The following HELQ variants were observed in gnomAD, a reference collection of about 807,000 sequenced individuals.
The protein encoded by HELQ is helicase POLQ-like.
HELQ carries 77 observed loss-of-function variants against 111.6 expected under a neutral mutation model. The ratio of observed to expected loss-of-function variants is 0.69; its 90% CI spans 0.57 to 0.83. The LOEUF (loss-of-function observed/expected upper bound fraction) is 0.83. Among genes scored for constraint, HELQ ranks in the 40% least tolerant of loss-of-function variants. The pLI is 0.00. For synonymous variants in HELQ, 438 were observed against 454.7 expected (o/e 0.96, Z 0.47); for missense variants, 1,200 against 1,288.5 (o/e 0.93, Z 1.05).
rs371087193 is a variant in HELQ, at chr4:83,443,996, G to A, written c.1466-382C>T. On this transcript the variant is annotated intron_variant, in intron 5 of 17. Transcript: ENST00000295488. ...GGAAGTCAAGGCTGCAGTGAGCCATGATTGTGTCACTGCACTGCAGCTTGG... is the reference window on the plus strand; with the variant it reads ...GGAAGTCAAGGCTGCAGTGAGCCATAATTGTGTCACTGCACTGCAGCTTGG... 9.8e-5 allele frequency among the ~76,000 whole-genome samples: 15 copies of A among 152,300 alleles called. 1 individual carries two copies. The highest frequency in any genetic ancestry group is 8.5e-4 in the Admixed American group (13 of 15,300).
chr4:83,432,327 A>C, intron 9 of HELQ, 60 bp from the exon 10 acceptor site: 2 of 1,251,914 alleles, frequency 1.6e-6, no homozygotes, highest in Non-Finnish European at 2.1e-6. Context: ...AAAAATTCTT[A>C]ATTTCATTAT....
upstream of HELQ, chr4:83,455,847 C>A (rs1721769979): frequency 1.2e-6 from 1 of 806,832 alleles, no homozygotes; most frequent in African/African-American, 1.7e-5. Context: ...CGGAAGCACG[C>A]ATAAACTTCT....
At position 83,437,027 on chromosome 4, in the gene HELQ, T is replaced by C. The variant is rs1316214644; in HGVS notation, c.1879A>G (p.Asn627Asp). ...GTGCGCTTTAAAACAGGACACAGGT[T>C]GCCATTGCCAATATTCTTCAAGTTC... Reference protein sequence around the residue: ...IKNLKNIGNGNLCPVLKRTIP... With the variant: ...IKNLKNIGNGDLCPVLKRTIP... The change falls in exon 9 of 18, where the codon AAC becomes GAC. Residue 627 changes from asparagine to aspartate, a missense_variant. Asn to Asp is a conservative substitution (Grantham distance 23). Transcript: ENST00000295488. The C allele has an allele frequency of 6.2e-7, 1 of 1,613,960 alleles. No homozygotes were observed. Among genetic ancestry groups the C allele is most frequent in the African/African-American group, 1.3e-5 (1 of 74,950 alleles).
intron 17 of HELQ, among the ~76,000 whole-genome samples, chr4:83,413,389 CTGTGT>C (rs1051441628): frequency 6.6e-6 from 1 of 152,102 alleles, no homozygotes; most frequent in Admixed American, 6.6e-5. Flanking sequence ...AATCTTCTGT[CTGTGT>C]TGTGTTTGTT....
intron 12 of HELQ, 54 bp downstream of exon 12, chr4:83,429,470 T>C (rs1226990408): frequency 2.2e-5 from 28 of 1,292,036 alleles, no homozygotes; most frequent in African/African-American, 4.5e-5. Context: ...TAATTTAATT[T>C]TCATTTTTTC....
At chr4:83,428,798 AT>A (rs1327914215) in intron 12 of HELQ, among the ~76,000 whole-genome samples, 2 of 151,986 alleles carry the variant, frequency 1.3e-5, no homozygotes, top group African/African-American at 4.8e-5. Context: ...AAGAAAAAAA[AT>A]TTTTTTAATT....
chr4:83,434,319 C>T lies in HELQ; in HGVS notation c.2049-2052G>A, dbSNP rs562206347. Reference sequence around the variant, plus strand: ...CCAGGAGACAGAGGTTGCAGTGAGCCGAGACCGCACCACTGCACTCCAGCC... The same window carrying T: ...CCAGGAGACAGAGGTTGCAGTGAGCTGAGACCGCACCACTGCACTCCAGCC... On this transcript the variant is annotated intron_variant, in intron 9 of 17. Coordinates refer to ENST00000295488, the MANE Select transcript of HELQ (RefSeq NM_133636.5). 7.0e-4 allele frequency among the ~76,000 whole-genome samples: 107 copies of T among 151,980 alleles called. 1 individual carries two copies. The highest frequency in any genetic ancestry group is 2.4e-3 in the African/African-American group (101 of 41,444).
rs1400919778 is a variant in HELQ at position 83,425,970 on chromosome 4, A to T, written c.2775+24T>A. 7.0e-6 allele frequency: 9 copies of T among 1,292,448 alleles called. No homozygotes were observed. The Admixed American group carries it at 1.6e-4, about 23-fold the overall frequency. 80.1% of individuals were successfully genotyped at this position (1,292,448 alleles called of 1,614,324 possible). On this transcript the variant is annotated intron_variant, in intron 14 of 17. Coordinates refer to ENST00000295488, the MANE Select transcript of HELQ (RefSeq NM_133636.5). Reference sequence around the variant, plus strand: ...TAAGTGTTGAGTGAACTTATTATTTAGGAAGAAAAAAAGAATGTGGTACCT... The same window carrying T: ...TAAGTGTTGAGTGAACTTATTATTTTGGAAGAAAAAAAGAATGTGGTACCT...
At chr4:83,409,614 C>T (rs1174960925) in intron 17 of HELQ, among the ~76,000 whole-genome samples, 2 of 151,362 alleles carry the variant, frequency 1.3e-5, no homozygotes, top group African/African-American at 4.8e-5. Context: ...ATAAAAATTT[C>T]CCTTCCTGAA....
intron 2 of HELQ, among the ~76,000 whole-genome samples, chr4:83,449,700 A>C (rs539785594): frequency 2.6e-5 from 4 of 152,242 alleles, no homozygotes; most frequent in Non-Finnish European, 5.9e-5. Flanking sequence ...ATCACTAGAA[A>C]AATGGGCAAA....
chr4:83,418,257 A>C (rs1256793868), intron 15 of HELQ, 51 bp from the exon 16 acceptor site: 1 of 1,137,292 alleles, frequency 8.8e-7, no homozygotes, highest in East Asian at 2.5e-5. Context: ...AGTTATTTCA[A>C]AGTTTGGTTT....
rs143529698 is a variant in HELQ at position 83,436,840 on chromosome 4, CACTT to C, written c.2048+14_2048+17del. On this transcript the variant is annotated intron_variant, in intron 9 of 17. Transcript: ENST00000295488. ...ATGGAAAAGTTCTGAGCCTGGTCAACACTTACTTATCTCTTACCTTCGAGCTGGT... is the reference window on the plus strand; with the variant it reads ...ATGGAAAAGTTCTGAGCCTGGTCAACACTTATCTCTTACCTTCGAGCTGGT... 726 of 1,604,608 alleles carry C rather than the reference CACTT, an allele frequency of 4.5e-4. 3 individuals are homozygous for C. The African/African-American group carries it at 8.7e-3, about 19-fold the overall frequency.
At chr4:83,436,834 G>A (rs1411261132) in intron 9 of HELQ, 24 bp downstream of exon 9, 13 of 1,598,806 alleles carry the variant, frequency 8.1e-6, no homozygotes, top group Non-Finnish European at 1.1e-5. Flanking sequence ...TTCTGAGCCT[G>A]GTCAACACTT....
intron 14 of HELQ, among the ~76,000 whole-genome samples, chr4:83,424,351 A>C (rs925076362): frequency 6.6e-6 from 1 of 152,222 alleles, no homozygotes; most frequent in African/African-American, 2.4e-5. Context: ...TTGAAGGTCT[A>C]AACAGCATAG....
chr4:83,409,008 T>G (rs1382171358), intron 17 of HELQ, among the ~76,000 whole-genome samples: 2 of 152,022 alleles, frequency 1.3e-5, no homozygotes, highest in Admixed American at 1.3e-4. Flanking sequence ...TTTTGGAAGC[T>G]CAGCCATGAG....
intron 15 of HELQ, among the ~76,000 whole-genome samples, chr4:83,419,021 C>T (rs943447832): frequency 2.0e-5 from 3 of 152,160 alleles, no homozygotes; most frequent in Non-Finnish European, 4.4e-5. Context: ...TGTACCATTT[C>T]ATACCATTTA....
chr4:83,434,648 G>C (rs1229939493), intron 9 of HELQ, among the ~76,000 whole-genome samples: 1 of 151,916 alleles, frequency 6.6e-6, no homozygotes, highest in Non-Finnish European at 1.5e-5. Context: ...TTTTTTAGTA[G>C]AGATGAGGTC....
At chr4:83,434,024 CAA>C (rs1401807661) in intron 9 of HELQ, among the ~76,000 whole-genome samples, 3 of 145,342 alleles carry the variant, frequency 2.1e-5, no homozygotes, top group African/African-American at 7.7e-5. Context: ...GAAAGAACAA[CAA>C]AAGAGAGTTC....
chr4:83,453,921 A>C lies in HELQ; in HGVS notation c.322T>G (p.Phe108Val), dbSNP rs761944641. ...DQPNDSEVDMFGDYDSFTENS... is the reference protein window; with the variant it reads ...DQPNDSEVDMVGDYDSFTENS... ...TCAGTAAAGCTATCATAGTCACCAA[A>C]CATGTCCACTTCACTGTCATTAGGC... Residue 108 changes from phenylalanine to valine, a missense_variant, in exon 2 of 18, where the codon TTT becomes GTT. Phe to Val is a conservative substitution (Grantham distance 50). This residue lies in a region of HELQ where 610 missense variants were observed against 607.1 expected (regional missense o/e 1.00). Transcript: ENST00000295488. 11 of 1,611,154 alleles carry C rather than the reference A, an allele frequency of 6.8e-6. No individual in the cohort carries two copies. The South Asian group carries it at 1.2e-4, about 18-fold the overall frequency.
Sources: gnomAD v4.1 joint callset for allele counts (sites outside exome capture counted in the v4.1 genomes callset) on GRCh38, gnomAD v4.1.1 for gene constraint, gnomAD v4.1.1 regional missense constraint, MANE v1.5 for transcripts, NCBI Gene and HGNC (gene_info 2026-07-23, HGNC 2026-07-21) for gene names.